NTNG2: variants seen among roughly 807,000 people sequenced by gnomAD.
The protein encoded by NTNG2 is netrin G2, also known as netrin-G2.
In NTNG2, 15 loss-of-function variants were observed where a neutral mutation model predicts 47.6. That is an observed-to-expected ratio of 0.32 (90% CI 0.21 to 0.49). The LOEUF (loss-of-function observed/expected upper bound fraction) is 0.49. Ranked by LOEUF, NTNG2 falls within the 20% of genes least tolerant of loss-of-function variation. The pLI is 0.99. For missense variants in NTNG2, 578 were observed against 764.6 expected, an observed-to-expected ratio of 0.76 and a Z score of 2.88; for synonymous variants, 307 against 324.6, an observed-to-expected ratio of 0.95 and a Z score of 0.58.
chr9:132,228,233 G>T (rs1281618105), intron 4 of NTNG2, among the ~76,000 whole-genome samples: 1 of 152,274 alleles, frequency 6.6e-6, no homozygotes, highest in African/African-American at 2.4e-5. Flanking sequence ...AGAGCCACGT[G>T]CAGAGGCCAT....
At chr9:132,237,819 G>C (rs558815799) in intron 5 of NTNG2, among the ~76,000 whole-genome samples, 1 of 152,234 alleles carries the variant, frequency 6.6e-6, no homozygotes, top group Non-Finnish European at 1.5e-5. Flanking sequence ...CCTGGGGCTC[G>C]TGTTGGTTGA....
intron 3 of NTNG2, among the ~76,000 whole-genome samples, chr9:132,225,252 T>G (rs1273130637): frequency 1.3e-5 from 2 of 151,616 alleles, no homozygotes; most frequent in African/African-American, 4.8e-5. Context: ...TGTTTTTGTT[T>G]TGTTTGTTTT....
At chr9:132,222,740 A>G (rs1840433389) in intron 3 of NTNG2, among the ~76,000 whole-genome samples, 1 of 152,172 alleles carries the variant, frequency 6.6e-6, no homozygotes, top group Non-Finnish European at 1.5e-5. Context: ...CTGGGAGGAA[A>G]GGCGTCAGCT....
chr9:132,201,569 C>G (rs1838752756), intron 3 of NTNG2, among the ~76,000 whole-genome samples: 1 of 152,188 alleles, frequency 6.6e-6, no homozygotes, highest in African/African-American at 2.4e-5. Context: ...GAGTGGGCAC[C>G]AGGGACCCCT....
chr9:132,220,461 CTT>C (rs201197800), intron 3 of NTNG2, among the ~76,000 whole-genome samples: 62 of 137,422 alleles, frequency 4.5e-4, no homozygotes, highest in Non-Finnish European at 6.2e-4. Context: ...TTTCCTTCTT[CTT>C]TTTTTTTTTT....
rs139558522 is a variant in NTNG2, at chr9:132,221,039, C to T, written c.858-5810C>T. Among the ~76,000 whole-genome samples the T allele has an allele frequency of 3.3e-4, 50 of 152,230 alleles. No individual in the cohort carries two copies. Among genetic ancestry groups the T allele is most frequent in the Non-Finnish European group, 5.4e-4 (37 of 68,008 alleles). Reference sequence around the variant, plus strand: ...AGAGCTGTTTTACAGTCCATGCGCCCATCTCCCCCAGTCATCTCGTACATC... The same window carrying T: ...AGAGCTGTTTTACAGTCCATGCGCCTATCTCCCCCAGTCATCTCGTACATC... On this transcript the variant is annotated intron_variant, in intron 3 of 7. Coordinates refer to ENST00000393229, the MANE Select transcript of NTNG2 (RefSeq NM_032536.4). This position sits in a 1 kb window ranked among gnomAD's most constrained non-coding sequence, Gnocchi z 4.2.
At chr9:132,173,902 TGGACGGAC>T (rs1451048039) in intron 2 of NTNG2, among the ~76,000 whole-genome samples, 2 of 72,692 alleles carry the variant, frequency 2.8e-5, no homozygotes, top group Admixed American at 3.1e-4. Context: ...GCGGATGAGA[TGGACGGAC>T]GGACGGACAG....
chr9:132,186,784 C>T (rs1837420101), intron 2 of NTNG2, among the ~76,000 whole-genome samples: 1 of 152,270 alleles, frequency 6.6e-6, no homozygotes, highest in Non-Finnish European at 1.5e-5. Flanking sequence ...CAGGCAGCGT[C>T]CTACCTGGAT....
Position 132,180,453 on chromosome 9 carries a change from C to G in NTNG2, c.213+13409C>G, listed in dbSNP as rs977964347. ...ATCCAGAACGCACCTTGTCTCTGCCCCTGTCCCCACCCAGGCAACATCCAA... is the reference window on the plus strand; with the variant it reads ...ATCCAGAACGCACCTTGTCTCTGCCGCTGTCCCCACCCAGGCAACATCCAA... On this transcript the variant is annotated intron_variant, in intron 2 of 7. Transcript: ENST00000393229. This position sits in a 1 kb window ranked among gnomAD's most constrained non-coding sequence, Gnocchi z 4.2. 6.6e-6 allele frequency among the ~76,000 whole-genome samples: 1 copy of G among 152,216 alleles called. No homozygotes were observed. The highest frequency in any genetic ancestry group is 2.4e-5 in the African/African-American group (1 of 41,452).
chr9:132,239,731 C>T (rs979178598), intron 6 of NTNG2, among the ~76,000 whole-genome samples: 5 of 152,374 alleles, frequency 3.3e-5, no homozygotes, highest in African/African-American at 7.2e-5. Flanking sequence ...GCCAAAAGAT[C>T]GCCTTGCTGC....
At position 132,182,445 on chromosome 9, in the gene NTNG2, C is replaced by T. The variant is rs1837019442; in HGVS notation, c.213+15401C>T. Reference sequence around the variant, plus strand: ...GCCGCCTCTCAGCCTAGAGGAGGGGCACTGGAAGGAGGAGGCCCAAGTGGG... The same window carrying T: ...GCCGCCTCTCAGCCTAGAGGAGGGGTACTGGAAGGAGGAGGCCCAAGTGGG... On this transcript the variant is annotated intron_variant, in intron 2 of 7. Transcript: ENST00000393229. The surrounding 1 kb of genome is among the most constrained non-coding windows in gnomAD (Gnocchi z 4.2). Among the ~76,000 whole-genome samples the T allele has an allele frequency of 6.6e-6, 1 of 152,142 alleles. No homozygotes were observed. Among genetic ancestry groups the T allele is most frequent in the Non-Finnish European group, 1.5e-5 (1 of 68,002 alleles).
chr9:132,186,751 G>A (rs754865638), intron 2 of NTNG2, among the ~76,000 whole-genome samples: 4 of 152,220 alleles, frequency 2.6e-5, no homozygotes, highest in East Asian at 3.8e-4. Flanking sequence ...AGCGAAGCCC[G>A]CGGATGCCCA....
intron 5 of NTNG2, among the ~76,000 whole-genome samples, chr9:132,235,612 C>G (rs1177465755): frequency 6.6e-6 from 1 of 152,150 alleles, no homozygotes; most frequent in Admixed American, 6.5e-5. Context: ...CAGCACCACC[C>G]CCTCGCATAA....
At chr9:132,213,072 A>C (rs949123089) in intron 3 of NTNG2, among the ~76,000 whole-genome samples, 1 of 152,070 alleles carries the variant, frequency 6.6e-6, no homozygotes, top group Non-Finnish European at 1.5e-5. Flanking sequence ...TAACCTCAAC[A>C]ATTTGGGAAG....
In NTNG2 at chr9:132,180,275, G is replaced by GA. The variant is rs1836830082; in HGVS notation, c.213+13232dup. On this transcript the variant is annotated intron_variant, in intron 2 of 7. Coordinates refer to ENST00000393229, the MANE Select transcript of NTNG2 (RefSeq NM_032536.4). The surrounding 1 kb of genome is among the most constrained non-coding windows in gnomAD (Gnocchi z 4.2). The stretch of plus-strand genomic sequence containing the variant: ...CAAAAGGTGAAGAAGAGACCAATGA[G>GA]AGATGAGCCCACGGTGCTCCTGCCC... Among the ~76,000 whole-genome samples the GA allele has an allele frequency of 6.6e-6, 1 of 152,260 alleles. No individual in the cohort carries two copies. Among genetic ancestry groups the GA allele is most frequent in the African/African-American group, 2.4e-5 (1 of 41,474 alleles).
Position 132,166,748 on chromosome 9 carries a change from C to T in NTNG2, c.-84C>T. On this transcript the variant is annotated 5_prime_UTR_variant, in exon 2 of 8. Transcript: ENST00000393229. ...CCTCGCCTGGTAGATGTGGCATTTC[C>T]ATGCTGAGGCCGCGAGTCCCGCCTG... 3 of 1,342,118 alleles carry T rather than the reference C, an allele frequency of 2.2e-6. No individual in the cohort carries two copies. The highest frequency in any genetic ancestry group is 3.2e-6 in the Non-Finnish European group (3 of 944,812). The allele number at this position is 1,342,118 out of a possible 1,614,324, so 83.1% of individuals were successfully genotyped here. A position where few individuals can be genotyped will look rare whatever the true frequency, so the allele number is the denominator to read the frequency against.
rs558441710 is a variant in NTNG2 at position 132,198,690 on chromosome 9, T to A, written c.857+81T>A. The A allele has an allele frequency of 3.6e-6, 5 of 1,398,674 alleles. No homozygotes were observed. In the African/African-American group the frequency reaches 5.7e-5, roughly 16 times the overall value. 86.6% of individuals were successfully genotyped at this position (1,398,674 alleles called of 1,614,324 possible). A position where few individuals can be genotyped will look rare whatever the true frequency, so the allele number is the denominator to read the frequency against. On this transcript the variant is annotated intron_variant, in intron 3 of 7. Transcript: ENST00000393229. Reference sequence around the variant, plus strand: ...CTGGGACGTTATTGGATACCTGGGATGTTACCTGGTATGTGGAACATGACC... The same window carrying A: ...CTGGGACGTTATTGGATACCTGGGAAGTTACCTGGTATGTGGAACATGACC...
intron 2 of NTNG2, among the ~76,000 whole-genome samples, chr9:132,177,397 C>A (rs750179759): frequency 5.9e-5 from 9 of 152,144 alleles, no homozygotes; most frequent in South Asian, 4.1e-4. Context: ...AGTATTTACC[C>A]CCATATTTTC....
chr9:132,189,929 G>C (rs1159379795), intron 2 of NTNG2, among the ~76,000 whole-genome samples: 1 of 149,330 alleles, frequency 6.7e-6, no homozygotes, highest in African/African-American at 2.4e-5. Context: ...GATTACAGGC[G>C]TGAGCAACTG....
Sources: allele counts gnomAD v4.1 joint callset (sites outside exome capture counted in the v4.1 genomes callset), GRCh38; gene constraint gnomAD v4.1.1; non-coding constraint Gnocchi (gnomAD v3.1); transcripts MANE v1.5; gene names NCBI Gene and HGNC (gene_info 2026-07-23, HGNC 2026-07-21).